SMARCA2: variants seen among roughly 807,000 people sequenced by gnomAD.
SMARCA2 encodes SWI/SNF related BAF chromatin remodeling complex subunit ATPase 2, also known as SWI/SNF-related matrix-associated actin-dependent regulator of chromatin subfamily A member 2.
A neutral mutation model predicts 199.8 loss-of-function variants in SMARCA2; 61 were observed. That is an observed-to-expected ratio of 0.31 (90% confidence interval 0.25 to 0.38). SMARCA2 has a LOEUF of 0.38. Among genes scored for constraint, SMARCA2 ranks in the 10% least tolerant of loss-of-function variants. The pLI, the probability that SMARCA2 is intolerant of heterozygous loss-of-function variation, is 1.00. For synonymous variants in SMARCA2, 935 were observed against 732.0 expected (o/e 1.28, Z -4.48); for missense variants, 1,344 against 2,012.2 (o/e 0.67, Z 6.35).
chr9:2,116,269 G>C (rs1823212523), intron 25 of SMARCA2, among the ~76,000 whole-genome samples: 1 of 152,152 alleles, frequency 6.6e-6, no homozygotes, highest in African/African-American at 2.4e-5. Context: ...CTTGGCCTGT[G>C]GGTGCTCCCT....
At chr9:2,026,422 C>G (rs115442797) in intron 1 of SMARCA2, among the ~76,000 whole-genome samples, 2,025 of 152,130 alleles carry the variant, frequency 0.013, 63 homozygotes, top group African/African-American at 0.047. Flanking sequence ...TTAATAGTTT[C>G]CTTTAGCAAA....
At chr9:2,088,474 A>G in intron 18 of SMARCA2, 26 bp from the exon 19 acceptor site, 1 of 1,557,004 alleles carries the variant, frequency 6.4e-7, no homozygotes, top group Non-Finnish European at 8.6e-7. Context: ...TTAAAAAATC[A>G]AATTCATAAT....
At chr9:2,077,815 C>G (rs1236169634) in intron 14 of SMARCA2, 39 bp downstream of exon 14, 1 of 1,560,688 alleles carries the variant, frequency 6.4e-7, no homozygotes, top group Admixed American at 1.9e-5. Flanking sequence ...CAAGTTGTAA[C>G]CATTTACCTA....
rs945193277 is a variant in SMARCA2 at position 2,169,979 on chromosome 9, G to A, written c.4200-440G>A. Reference sequence around the variant, plus strand: ...ACCTTCTTTGTGCAGGCTACTGTAAGAAAGCACTTTATCCTATTTAATTTT... The same window carrying A: ...ACCTTCTTTGTGCAGGCTACTGTAAAAAAGCACTTTATCCTATTTAATTTT... On this transcript the variant is annotated intron_variant, in intron 28 of 33. Transcript: ENST00000349721. The surrounding 1 kb of genome is among the most constrained non-coding windows in gnomAD (Gnocchi z 6.5). Among the ~76,000 whole-genome samples, 1 of 152,170 alleles carries A rather than the reference G, an allele frequency of 6.6e-6. No individual in the cohort carries two copies. The highest frequency in any genetic ancestry group is 1.5e-5 in the Non-Finnish European group (1 of 68,036).
intron 21 of SMARCA2, among the ~76,000 whole-genome samples, chr9:2,098,132 A>T (rs553302911): frequency 6.6e-6 from 1 of 152,360 alleles, no homozygotes; most frequent in South Asian, 2.1e-4. Flanking sequence ...AGGAATGAAA[A>T]GGAGCCACAA....
chr9:2,115,719 G>A lies in SMARCA2; in HGVS notation c.3457-103G>A. On this transcript the variant is annotated intron_variant, in intron 24 of 33. Coordinates refer to ENST00000349721, the MANE Select transcript of SMARCA2 (RefSeq NM_003070.5). This position sits in a 1 kb window ranked among gnomAD's most constrained non-coding sequence, Gnocchi z 6.0. ...TAGGCAAAATCTTACCTTAGTGAAG[G>A]TGAAATACAGAACCCTTCCATATTT... The A allele has an allele frequency of 1.2e-6, 1 of 851,470 alleles. No homozygotes were observed. Among genetic ancestry groups the A allele is most frequent in the Non-Finnish European group, 1.9e-6 (1 of 537,350 alleles). The allele number at this position is 851,470 out of a possible 1,614,324, so 52.7% of individuals were successfully genotyped here. A position where few individuals can be genotyped will look rare whatever the true frequency, so the allele number is the denominator to read the frequency against.
rs763964186 is a variant in SMARCA2, at chr9:2,039,233, C to CTT, written c.356-221_356-220dup. On this transcript the variant is annotated intron_variant, in intron 3 of 33. Coordinates refer to ENST00000349721, the MANE Select transcript of SMARCA2 (RefSeq NM_003070.5). The surrounding 1 kb of genome is among the most constrained non-coding windows in gnomAD (Gnocchi z 4.8). Reference sequence around the variant, plus strand: ...AATACATTTAAATTAACTTTACCTGCTTTTTTTTTTTTTAACACTTTAAAG... The same window carrying CTT: ...AATACATTTAAATTAACTTTACCTGCTTTTTTTTTTTTTTTAACACTTTAAAG... Among the ~76,000 whole-genome samples, 3 of 137,282 alleles carry CTT rather than the reference C, an allele frequency of 2.2e-5. No homozygotes were observed. Among genetic ancestry groups the CTT allele is most frequent in the Admixed American group, 7.3e-5 (1 of 13,770 alleles). 90.1% of individuals were successfully genotyped at this position (137,282 alleles called of 152,430 possible).
chr9:2,157,463 G>C (rs1041588314), intron 27 of SMARCA2, among the ~76,000 whole-genome samples: 2 of 152,164 alleles, frequency 1.3e-5, no homozygotes, highest in Non-Finnish European at 2.9e-5. Context: ...AATCCAACTA[G>C]AGTTCCTAAG....
intron 27 of SMARCA2, among the ~76,000 whole-genome samples, chr9:2,124,515 T>C (rs1310183720): frequency 2.0e-5 from 3 of 152,206 alleles, no homozygotes; most frequent in African/African-American, 7.2e-5. Context: ...GACATGGCTA[T>C]GCAGGACACA....
At position 2,110,506 on chromosome 9, in the gene SMARCA2, G is replaced by A. The variant is rs1216453552; in HGVS notation, c.3456+89G>A. 1.8e-5 allele frequency: 19 copies of A among 1,080,378 alleles called. No homozygotes were observed. The highest frequency in any genetic ancestry group is 2.2e-5 in the Non-Finnish European group (17 of 774,896). The allele number at this position is 1,080,378 out of a possible 1,614,324, so 66.9% of individuals were successfully genotyped here. ...TCATTATTCACATTTACAGGACAGA[G>A]CAAATATCTAAACGAGTGGGCTGTT... On this transcript the variant is annotated intron_variant, in intron 24 of 33. Coordinates refer to ENST00000349721, the MANE Select transcript of SMARCA2 (RefSeq NM_003070.5). This position sits in a 1 kb window ranked among gnomAD's most constrained non-coding sequence, Gnocchi z 4.8.
rs572072087 is a variant in SMARCA2 at position 2,020,649 on chromosome 9, G to A, written c.-37+5245G>A. ...CTGCAGCTTTCTTACTGTTTATTAT[G>A]AGTTTATTATTACCCATGTTAATAT... On this transcript the variant is annotated intron_variant, in intron 1 of 33. Transcript: ENST00000349721. Among the ~76,000 whole-genome samples the A allele has an allele frequency of 5.3e-5, 8 of 152,214 alleles. No homozygotes were observed. In the South Asian group the frequency reaches 1.5e-3, roughly 28 times the overall value.
chr9:2,185,982 G>T, intron 31 of SMARCA2, 114 bp from the exon 32 acceptor site: 1 of 1,033,886 alleles, frequency 9.7e-7, no homozygotes, highest in Non-Finnish European at 1.4e-6. Context: ...AAAAGCTAAC[G>T]GTGACATTTC....
At position 2,039,405 on chromosome 9, in the gene SMARCA2, G is replaced by T; in HGVS notation, c.356-61G>T. The stretch of plus-strand genomic sequence containing the variant: ...GTGGACAATTATTAGAGTATTCAGG[G>T]ATATCTCTCTTTCAGGGTTGTCAGG... On this transcript the variant is annotated intron_variant, in intron 3 of 33. Transcript: ENST00000349721. The surrounding 1 kb of genome is among the most constrained non-coding windows in gnomAD (Gnocchi z 4.8). The T allele has an allele frequency of 6.6e-7, 1 of 1,513,670 alleles. No homozygotes were observed. The highest frequency in any genetic ancestry group is 2.3e-5 in the East Asian group (1 of 44,182). The allele number at this position is 1,513,670 out of a possible 1,614,324, so 93.8% of individuals were successfully genotyped here.
chr9:2,029,667 A>G (rs1818977360), intron 2 of SMARCA2, among the ~76,000 whole-genome samples: 1 of 152,260 alleles, frequency 6.6e-6, no homozygotes, highest in Non-Finnish European at 1.5e-5. Context: ...GATCCCAAAG[A>G]GTAGAAGGAA....
At chr9:2,187,964 T>TG (rs968881166) in intron 32 of SMARCA2, among the ~76,000 whole-genome samples, 14 of 152,106 alleles carry the variant, frequency 9.2e-5, no homozygotes, top group South Asian at 6.2e-4. Flanking sequence ...AATTTATGTG[T>TG]GGAAAAAAAG....
intron 5 of SMARCA2, among the ~76,000 whole-genome samples, chr9:2,051,450 G>A (rs1375635009): frequency 2.0e-5 from 3 of 152,038 alleles, no homozygotes; most frequent in African/African-American, 7.2e-5. Context: ...TCTCCCCGGG[G>A]TTCCCACCCC....
Position 2,072,870 on chromosome 9 carries a change from G to A in SMARCA2, c.1747-342G>A, listed in dbSNP as rs182403635. On this transcript the variant is annotated intron_variant, in intron 10 of 33. Transcript: ENST00000349721. Reference sequence around the variant, plus strand: ...GCAGAAGTTTGACAGAGCCATTACCGCTTTCCTGGCATTGTTGCCACTGTG... The same window carrying A: ...GCAGAAGTTTGACAGAGCCATTACCACTTTCCTGGCATTGTTGCCACTGTG... Among the ~76,000 whole-genome samples, 234 of 152,282 alleles carry A rather than the reference G, an allele frequency of 1.5e-3. 1 individual carries two copies. Among genetic ancestry groups the A allele is most frequent in the African/African-American group, 2.6e-3 (106 of 41,550 alleles).
In SMARCA2 at chr9:2,183,384, AAATG is replaced by A. The variant is rs552503154; in HGVS notation, c.4461+1145_4461+1148del. 3.3e-5 allele frequency among the ~76,000 whole-genome samples: 5 copies of A among 152,350 alleles called. No individual in the cohort carries two copies. The South Asian group carries it at 1.0e-3, about 32-fold the overall frequency. ...ACAGTCAACAATTCTAAGAGTATAT[AAATG>A]AACTGAATTTATTAAAATAACCAAG... On this transcript the variant is annotated intron_variant, in intron 31 of 33. Coordinates refer to ENST00000349721, the MANE Select transcript of SMARCA2 (RefSeq NM_003070.5).
At chr9:2,046,282 G>A (rs992727128) in intron 4 of SMARCA2, among the ~76,000 whole-genome samples, 4 of 152,158 alleles carry the variant, frequency 2.6e-5, no homozygotes, top group African/African-American at 9.7e-5. Flanking sequence ...TCTGTACCTA[G>A]TAATTAACTT....
Sources: allele counts gnomAD v4.1 joint callset (sites outside exome capture counted in the v4.1 genomes callset), GRCh38; gene constraint gnomAD v4.1.1; non-coding constraint Gnocchi (gnomAD v3.1); transcripts MANE v1.5; gene names NCBI Gene and HGNC (gene_info 2026-07-23, HGNC 2026-07-21).